LHCGR: variants seen among roughly 807,000 people sequenced by gnomAD.
The protein encoded by LHCGR is lutropin-choriogonadotropic hormone receptor.
Under a neutral mutation model 60.7 loss-of-function variants are expected in LHCGR, and 55 were observed. That is an observed-to-expected ratio of 0.91 (90% CI 0.73 to 1.13). The LOEUF (loss-of-function observed/expected upper bound fraction) is 1.13, where lower values mean the gene tolerates loss of function less well. LHCGR is among the 50% of genes most tolerant of loss of function. The pLI, the probability that LHCGR is intolerant of heterozygous loss-of-function variation, is 0.00. For synonymous variants in LHCGR, 337 were observed against 316.5 expected (o/e 1.06, Z -0.69); for missense variants, 862 against 836.0 (o/e 1.03, Z -0.38).
In LHCGR at chr2:48,696,924, A is replaced by G. The variant is rs1479169199; in HGVS notation, c.866+1691T>C. 2.0e-5 allele frequency among the ~76,000 whole-genome samples: 3 copies of G among 152,108 alleles called. No homozygotes were observed. In the East Asian group the frequency reaches 5.8e-4, roughly 29 times the overall value. ...AAACCAGTATCTCTGTCATTTTCCTAATTGTTCTCTCACCAGCTTTGCTCA... is the reference window on the plus strand; with the variant it reads ...AAACCAGTATCTCTGTCATTTTCCTGATTGTTCTCTCACCAGCTTTGCTCA... On this transcript the variant is annotated intron_variant, in intron 9 of 10. Coordinates refer to ENST00000294954, the MANE Select transcript of LHCGR (RefSeq NM_000233.4).
chr2:48,754,507 A>T (rs4073656), intron 1 of LHCGR, among the ~76,000 whole-genome samples: 25 of 151,388 alleles, frequency 1.7e-4, no homozygotes, highest in Non-Finnish European at 1.6e-4. Context: ...TAAATCCTAC[A>T]CTATAGAATT....
chr2:48,698,755 T>C lies in LHCGR; in HGVS notation c.726A>G (p.Leu242=). 2 of 1,614,138 alleles carry C rather than the reference T, an allele frequency of 1.2e-6. No homozygotes were observed. The highest frequency in any genetic ancestry group is 1.7e-6 in the Non-Finnish European group (2 of 1,179,962). Residue 242 remains leucine, a synonymous_variant, in exon 9 of 11, where the codon CTA becomes CTG. Transcript: ENST00000294954. ...TGGCAATTAGCCTCTGAATGGACTCTAGGCCATAGCTCGGCAGGGCCTGCA... is the reference window on the plus strand; with the variant it reads ...TGGCAATTAGCCTCTGAATGGACTCCAGGCCATAGCTCGGCAGGGCCTGCA... ...TKLQALPSYG[L]ESIQRLIATS...
At chr2:48,752,991 G>GGGGGGGGGGGGGGGGGT (rs1670043708) in intron 1 of LHCGR, among the ~76,000 whole-genome samples, 4 of 57,944 alleles carry the variant, frequency 6.9e-5, no homozygotes, top group Admixed American at 1.4e-4. Context: ...CGGGGGGGGG[G>GGGGGGGGGGGGGGGGGT]GGGGGTGGGG....
intron 10 of LHCGR, among the ~76,000 whole-genome samples, chr2:48,689,339 C>A (rs1433547583): frequency 1.3e-5 from 2 of 152,132 alleles, no homozygotes; most frequent in Admixed American, 1.3e-4. Context: ...ATTTTCTTAA[C>A]TATTTATCTC....
intron 1 of LHCGR, among the ~76,000 whole-genome samples, chr2:48,736,144 T>C (rs910131812): frequency 6.6e-6 from 1 of 152,230 alleles, no homozygotes; most frequent in Non-Finnish European, 1.5e-5. Context: ...CTTTTCTTTG[T>C]AAATTACCCA....
intron 1 of LHCGR, among the ~76,000 whole-genome samples, chr2:48,739,314 A>T (rs989307373): frequency 1.7e-4 from 26 of 152,366 alleles, no homozygotes; most frequent in Non-Finnish European, 3.2e-4. Flanking sequence ...ATTACTGGGT[A>T]TATACCCAAA....
Position 48,755,626 on chromosome 2 carries a change from G to GCAT in LHCGR, c.45_46insATG (p.Leu15_Leu16insMet). On this transcript the variant is annotated inframe_insertion, in exon 1 of 11. Transcript: ENST00000294954. ...GCTCGTGGCAGCGGCGGCTGCAGCA[G>GCAT]CAGCAGCAGCTTCAGCAGCTGCAGC... The GCAT allele has an allele frequency of 6.5e-7, 1 of 1,535,816 alleles. No individual in the cohort carries two copies. The highest frequency in any genetic ancestry group is 8.7e-7 in the Non-Finnish European group (1 of 1,145,896).
In LHCGR at chr2:48,718,073, A is replaced by T. The variant is rs115375784; in HGVS notation, c.537-4019T>A. On this transcript the variant is annotated intron_variant, in intron 6 of 10. Coordinates refer to ENST00000294954, the MANE Select transcript of LHCGR (RefSeq NM_000233.4). Reference sequence around the variant, plus strand: ...ATGCTTTTAATGCCCTTAAAAAAACATCTGGAGAGTCACTTCAGATAACTT... The same window carrying T: ...ATGCTTTTAATGCCCTTAAAAAAACTTCTGGAGAGTCACTTCAGATAACTT... Among the ~76,000 whole-genome samples the T allele has an allele frequency of 8.2e-3, 1,241 of 152,208 alleles. 7 individuals are homozygous for T. The highest frequency in any genetic ancestry group is 0.017 in the Middle Eastern group (5 of 294).
At chr2:48,698,420 C>G (rs1045908166) in intron 9 of LHCGR, among the ~76,000 whole-genome samples, 195 bp downstream of exon 9, 3 of 152,214 alleles carry the variant, frequency 2.0e-5, no homozygotes, top group Non-Finnish European at 4.4e-5. Flanking sequence ...GGTGAATCAA[C>G]TATTTGGTAG....
chr2:48,708,805 C>G, intron 8 of LHCGR, 143 bp downstream of exon 8: 1 of 767,774 alleles, frequency 1.3e-6, no homozygotes, highest in South Asian at 1.4e-5. Flanking sequence ...AGCTGTGATA[C>G]ACTTTGTCTT....
intron 8 of LHCGR, among the ~76,000 whole-genome samples, chr2:48,702,243 C>T (rs1404344046): frequency 1.3e-5 from 2 of 151,448 alleles, no homozygotes; most frequent in Non-Finnish European, 1.5e-5. Flanking sequence ...TGTTCTATTC[C>T]TCCTAACTTT....
intron 6 of LHCGR, among the ~76,000 whole-genome samples, chr2:48,722,527 A>C (rs1006648521): frequency 5.9e-5 from 9 of 152,096 alleles, no homozygotes; most frequent in Non-Finnish European, 1.2e-4. Flanking sequence ...CCATCCCCCT[A>C]GTGCTGTTCT....
chr2:48,712,566 C>T (rs1425965501), intron 7 of LHCGR, among the ~76,000 whole-genome samples: 1 of 152,096 alleles, frequency 6.6e-6, no homozygotes, highest in South Asian at 2.1e-4. Context: ...AGAGCAAATT[C>T]ACCCCATGAT....
chr2:48,697,094 TTCC>T, intron 9 of LHCGR, among the ~76,000 whole-genome samples: 1 of 152,310 alleles, frequency 6.6e-6, no homozygotes, highest in Middle Eastern at 3.4e-3. Flanking sequence ...TCTCCTTGGC[TTCC>T]TCTTCTGACT....
chr2:48,694,437 C>T (rs920740588), intron 9 of LHCGR, 133 bp from the exon 10 acceptor site: 1 of 675,324 alleles, frequency 1.5e-6, no homozygotes. Context: ...CACCATTGTC[C>T]TAACTGAAAT....
intron 1 of LHCGR, chr2:48,733,188 G>C: frequency 3.3e-6 from 1 of 306,712 alleles, no homozygotes; most frequent in Admixed American, 4.3e-5. Flanking sequence ...ATAATGCAGT[G>C]CAGAACATAT....
intron 9 of LHCGR, 43 bp from the exon 10 acceptor site, chr2:48,694,347 T>A: frequency 8.0e-7 from 1 of 1,253,694 alleles, no homozygotes; most frequent in Non-Finnish European, 1.2e-6. Flanking sequence ...GCTTTTGGAC[T>A]TCAGGCTAAA....
chr2:48,735,462 G>A (rs1238640295), intron 1 of LHCGR, among the ~76,000 whole-genome samples: 1 of 152,096 alleles, frequency 6.6e-6, no homozygotes, highest in Non-Finnish European at 1.5e-5. Context: ...CTAGGAGTAG[G>A]GCTTCTCTTA....
rs1328584180 is a variant in LHCGR at position 48,687,729 on chromosome 2, G to A, written c.2068C>T (p.Leu690Phe). Residue 690 changes from leucine (L) to phenylalanine (F), a missense_variant, in exon 11 of 11, where the codon CTC becomes TTC. Physicochemically the swap from Leu to Phe is conservative, Grantham distance 22. Coordinates refer to ENST00000294954, the MANE Select transcript of LHCGR (RefSeq NM_000233.4). Reference sequence around the variant, plus strand: ...TCTGTGTAGCGAGTCTTGTCTAGGAGAGCTGTACCTTGACAGTGCAATGTG... The same window carrying A: ...TCTGTGTAGCGAGTCTTGTCTAGGAAAGCTGTACCTTGACAGTGCAATGTG... The part of the protein sequence containing the change: ...LSTLHCQGTA[L>F]LDKTRYTEC The A allele has an allele frequency of 6.2e-7, 1 of 1,613,954 alleles. No homozygotes were observed. Among genetic ancestry groups the A allele is most frequent in the Non-Finnish European group, 8.5e-7 (1 of 1,179,850 alleles).
Sources: allele counts gnomAD v4.1 joint callset (sites outside exome capture counted in the v4.1 genomes callset), GRCh38; gene constraint gnomAD v4.1.1; transcripts MANE v1.5; gene names NCBI Gene and HGNC (gene_info 2026-07-23, HGNC 2026-07-21).